The following PPM1E variants were observed in gnomAD, a reference collection of about 807,000 sequenced individuals.
PPM1E encodes protein phosphatase 1E.
A neutral mutation model predicts 65.9 loss-of-function variants in PPM1E; 20 were observed. The observed-to-expected ratio is 0.30, with a 90% confidence interval of 0.21 to 0.44. The LOEUF is 0.44. Ranked by LOEUF, PPM1E falls within the 20% of genes least tolerant of loss-of-function variation. The pLI is 1.00. For missense variants in PPM1E, 713 were observed against 953.1 expected (o/e 0.75, Z 3.32); for synonymous variants, 352 against 374.9 (o/e 0.94, Z 0.70).
chr17:58,842,748 G>A (rs2050732316), intron 1 of PPM1E, among the ~76,000 whole-genome samples: 1 of 151,948 alleles, frequency 6.6e-6, no homozygotes. Flanking sequence ...AGAACAGCCT[G>A]ATCAACATGG....
chr17:58,958,679 G>A (rs1179963483), intron 2 of PPM1E, among the ~76,000 whole-genome samples: 1 of 151,730 alleles, frequency 6.6e-6, no homozygotes, highest in Non-Finnish European at 1.5e-5. Context: ...AAATTATCGA[G>A]GGACAGTCCT....
chr17:58,805,986 A>AC (rs2050308688), intron 1 of PPM1E, among the ~76,000 whole-genome samples: 1 of 105,726 alleles, frequency 9.5e-6, no homozygotes, highest in Non-Finnish European at 1.8e-5. Flanking sequence ...AAAAAAAAAC[A>AC]AAACAAAACA....
intron 1 of PPM1E, among the ~76,000 whole-genome samples, chr17:58,886,458 A>T (rs1034762679): frequency 6.6e-6 from 1 of 152,186 alleles, no homozygotes; most frequent in Non-Finnish European, 1.5e-5. Flanking sequence ...ACAGGATCCA[A>T]TGGAAAGAGT....
chr17:58,929,333 T>C (rs992744896), intron 1 of PPM1E, among the ~76,000 whole-genome samples: 15 of 152,250 alleles, frequency 9.9e-5, no homozygotes, highest in Non-Finnish European at 1.8e-4. Context: ...GATGGAACTT[T>C]CTGGAGTAAT....
chr17:58,904,651 T>C (rs1365609956), intron 1 of PPM1E, among the ~76,000 whole-genome samples: 2 of 152,180 alleles, frequency 1.3e-5, no homozygotes, highest in Admixed American at 6.5e-5. Context: ...GAAATATTTC[T>C]CCATTAATTT....
rs147112759 is a variant in PPM1E, at chr17:58,825,421, A to T, written c.464+68960A>T. Among the ~76,000 whole-genome samples, 517 of 152,260 alleles carry T rather than the reference A, an allele frequency of 3.4e-3. 6 individuals are homozygous for T. The highest frequency in any genetic ancestry group is 0.012 in the African/African-American group (507 of 41,562). On this transcript the variant is annotated intron_variant, in intron 1 of 6. Coordinates refer to ENST00000308249, the MANE Select transcript of PPM1E (RefSeq NM_014906.5). ...CTGTCTCTACAAAAAATTAAAAACA[A>T]ACAAAAACTTCTGAATAAAATATCT...
At chr17:58,965,949 A>G (rs1376937331) in intron 3 of PPM1E, 56 bp downstream of exon 3, 2 of 1,524,036 alleles carry the variant, frequency 1.3e-6, no homozygotes, top group African/African-American at 2.7e-5. Context: ...AAACACCTTC[A>G]TGGTCCTGTT....
intron 1 of PPM1E, among the ~76,000 whole-genome samples, chr17:58,897,183 G>A (rs2051430097): frequency 1.3e-5 from 2 of 152,160 alleles, no homozygotes; most frequent in South Asian, 2.1e-4. Context: ...GGGAGGCTGA[G>A]GCTGGTGGAT....
chr17:58,939,264 C>G (rs2052031264), intron 1 of PPM1E, among the ~76,000 whole-genome samples: 1 of 152,142 alleles, frequency 6.6e-6, no homozygotes. Context: ...TTCCACCAAG[C>G]ATGTTTTCAG....
chr17:58,983,028 T>G lies in PPM1E; in HGVS notation c.*1997T>G. 1 of 1,045,124 alleles carries G rather than the reference T, an allele frequency of 9.6e-7. No homozygotes were observed. Among genetic ancestry groups the G allele is most frequent in the Non-Finnish European group, 1.4e-6 (1 of 712,066 alleles). The allele number at this position is 1,045,124 out of a possible 1,614,324, so 64.7% of individuals were successfully genotyped here. A position where few individuals can be genotyped will look rare whatever the true frequency, so the allele number is the denominator to read the frequency against. ...TTTTTAAAATTTCTATTGTTGTCTA[T>G]TGGTAATGTTTTTGATCAGAATAAA... On this transcript the variant is annotated 3_prime_UTR_variant, in exon 7 of 7. Transcript: ENST00000308249.
chr17:58,756,441 C>T lies in PPM1E; in HGVS notation c.444C>T (p.Cys148=). 2 of 1,324,218 alleles carry T rather than the reference C, an allele frequency of 1.5e-6. No individual in the cohort carries two copies. Among genetic ancestry groups the T allele is most frequent in the South Asian group, 5.0e-5 (2 of 40,220 alleles). 82.0% of individuals were successfully genotyped at this position (1,324,218 alleles called of 1,614,324 possible). A position where few individuals can be genotyped will look rare whatever the true frequency, so the allele number is the denominator to read the frequency against. The change falls in exon 1 of 7, where the codon TGC becomes TGT. Residue 148 remains cysteine (C), a synonymous_variant. Transcript: ENST00000308249. ...EEVEGESLDL[C]LQQLYKYNCP... ...TGGAGGGCGAAAGCCTGGACCTGTG[C>T]CTGCAGCAGCTCTACAAATAGTTAA...
chr17:58,927,482 T>C (rs2143555689), intron 1 of PPM1E, among the ~76,000 whole-genome samples: 1 of 152,288 alleles, frequency 6.6e-6, no homozygotes, highest in Admixed American at 6.5e-5. Context: ...TTTGGCCTTC[T>C]GCAGCTACCT....
chr17:58,909,941 T>C (rs1458289541), intron 1 of PPM1E, among the ~76,000 whole-genome samples: 1 of 144,776 alleles, frequency 6.9e-6, no homozygotes, highest in Non-Finnish European at 1.5e-5. Flanking sequence ...TTTTTTTTTT[T>C]TTTGAGACTG....
At chr17:58,850,862 T>C (rs1340270581) in intron 1 of PPM1E, among the ~76,000 whole-genome samples, 1 of 152,228 alleles carries the variant, frequency 6.6e-6, no homozygotes, top group Admixed American at 6.5e-5. Flanking sequence ...GATAATATCC[T>C]GAAGAGTGTT....
chr17:58,973,951 CAAAAAAAAAAAAAAAA>C (rs34819561), intron 6 of PPM1E, among the ~76,000 whole-genome samples: 1 of 55,468 alleles, frequency 1.8e-5, no homozygotes, highest in South Asian at 8.5e-4. Context: ...GACTCCATCT[CAAAAAAAAAAAAAAAA>C]AAAAAAAAAA....
intron 1 of PPM1E, among the ~76,000 whole-genome samples, chr17:58,846,407 C>T (rs1386840514): frequency 1.3e-5 from 2 of 152,126 alleles, no homozygotes; most frequent in Non-Finnish European, 2.9e-5. Context: ...TCTCCTAATG[C>T]TATCCCTCCC....
At chr17:58,803,281 CA>C (rs1010926008) in intron 1 of PPM1E, among the ~76,000 whole-genome samples, 1 of 152,018 alleles carries the variant, frequency 6.6e-6, no homozygotes, top group Non-Finnish European at 1.5e-5. Context: ...AGTTTTTTAT[CA>C]AAAAATGATG....
intron 1 of PPM1E, among the ~76,000 whole-genome samples, chr17:58,880,718 G>A (rs1444956886): frequency 6.6e-6 from 1 of 152,010 alleles, no homozygotes; most frequent in Non-Finnish European, 1.5e-5. Context: ...CGACATCCAG[G>A]GCTAAAGTGA....
chr17:58,852,230 G>A (rs1174543920), intron 1 of PPM1E, among the ~76,000 whole-genome samples: 2 of 152,082 alleles, frequency 1.3e-5, no homozygotes, highest in Non-Finnish European at 2.9e-5. Flanking sequence ...GCGCTTCCCG[G>A]GTGAAGCACT....
Sources: allele counts gnomAD v4.1 joint callset (sites outside exome capture counted in the v4.1 genomes callset), GRCh38; gene constraint gnomAD v4.1.1; transcripts MANE v1.5; gene names NCBI Gene and HGNC (gene_info 2026-07-23, HGNC 2026-07-21).